NUMB: variants seen among roughly 807,000 people sequenced by gnomAD.
The protein encoded by NUMB is NUMB endocytic adaptor protein.
Under a neutral mutation model 59.7 loss-of-function variants are expected in NUMB, and 29 were observed. The observed-to-expected ratio is 0.49, with a 90% CI of 0.36 to 0.66. NUMB has a LOEUF of 0.66. NUMB is among the 30% of genes least tolerant of loss of function. The pLI, the probability that NUMB is intolerant of heterozygous loss-of-function variation, is 0.00. For synonymous variants in NUMB, 288 were observed against 288.2 expected (o/e 1.00, Z 0.01); for missense variants, 723 against 822.0 (o/e 0.88, Z 1.47).
chr14:73,397,745 G>T (rs765262838), intron 2 of NUMB, among the ~76,000 whole-genome samples: 1 of 152,058 alleles, frequency 6.6e-6, no homozygotes, highest in African/African-American at 2.4e-5. Flanking sequence ...TATCTTTCTG[G>T]TCATTAAATA....
intron 2 of NUMB, among the ~76,000 whole-genome samples, chr14:73,392,355 C>T (rs539431684): frequency 6.6e-6 from 1 of 152,316 alleles, no homozygotes; most frequent in East Asian, 1.9e-4. Context: ...TGAGTCCTAA[C>T]TAAAACTGTG....
chr14:73,391,726 G>C (rs1166282267), intron 2 of NUMB, among the ~76,000 whole-genome samples: 1 of 152,192 alleles, frequency 6.6e-6, no homozygotes, highest in African/African-American at 2.4e-5. Context: ...GTGCACATTT[G>C]AGAACTATTT....
Position 73,285,943 on chromosome 14 carries a change from C to T in NUMB, c.655+1167G>A, listed in dbSNP as rs544109630. Among the ~76,000 whole-genome samples the T allele has an allele frequency of 1.0e-3, 156 of 150,480 alleles. 1 individual carries two copies. The highest frequency in any genetic ancestry group is 2.2e-3 in the African/African-American group (91 of 41,084). On this transcript the variant is annotated intron_variant, in intron 9 of 12. Transcript: ENST00000555238. ...TCTGTCTCAAAAAAAAAAAAAACACCGAAATCAAACCAAAACAACAACAAC... is the reference window on the plus strand; with the variant it reads ...TCTGTCTCAAAAAAAAAAAAAACACTGAAATCAAACCAAAACAACAACAAC...
At chr14:73,417,062 G>A (rs1049285149) in intron 1 of NUMB, among the ~76,000 whole-genome samples, 3 of 151,716 alleles carry the variant, frequency 2.0e-5, no homozygotes, top group East Asian at 1.9e-4. Flanking sequence ...AGAGGAGATC[G>A]GTCACAGGAT....
intron 2 of NUMB, among the ~76,000 whole-genome samples, chr14:73,370,793 T>A (rs1364851152): frequency 1.3e-5 from 2 of 152,224 alleles, no homozygotes; most frequent in African/African-American, 2.4e-5. Flanking sequence ...TTTCTTTAAA[T>A]AATTTTTTGT....
chr14:73,428,025 G>A (rs1432524259), intron 1 of NUMB, among the ~76,000 whole-genome samples: 2 of 152,170 alleles, frequency 1.3e-5, no homozygotes, highest in Non-Finnish European at 2.9e-5. Context: ...AACTTTAAGT[G>A]TTATGGAATC....
At chr14:73,377,639 C>T (rs774179732) in intron 2 of NUMB, among the ~76,000 whole-genome samples, 1 of 149,834 alleles carries the variant, frequency 6.7e-6, no homozygotes, top group Non-Finnish European at 1.5e-5. Flanking sequence ...CCGTCTCAAA[C>T]AAACAAACAA....
chr14:73,407,688 A>T (rs1896731094), intron 2 of NUMB, among the ~76,000 whole-genome samples: 1 of 152,194 alleles, frequency 6.6e-6, no homozygotes, highest in Admixed American at 6.5e-5. Flanking sequence ...ATCACTTTGG[A>T]ATGAGAAAGT....
chr14:73,445,913 A>C (rs911578293), intron 1 of NUMB, among the ~76,000 whole-genome samples: 6 of 152,182 alleles, frequency 3.9e-5, no homozygotes, highest in African/African-American at 1.4e-4. Flanking sequence ...TGTAAATCAG[A>C]GAATAACAAA....
intron 1 of NUMB, among the ~76,000 whole-genome samples, chr14:73,417,469 G>A (rs1435634721): frequency 4.0e-5 from 6 of 151,754 alleles, no homozygotes; most frequent in Non-Finnish European, 8.8e-5. Flanking sequence ...CCCAGAAGGG[G>A]GTCAGGAAAC....
chr14:73,377,784 T>G (rs1429388365), intron 2 of NUMB, among the ~76,000 whole-genome samples: 1 of 152,172 alleles, frequency 6.6e-6, no homozygotes, highest in East Asian at 1.9e-4. Context: ...CTAGCCCACA[T>G]GGCGAAACCC....
intron 2 of NUMB, among the ~76,000 whole-genome samples, chr14:73,395,692 A>G (rs1402986470): frequency 6.6e-6 from 1 of 151,526 alleles, no homozygotes; most frequent in East Asian, 1.9e-4. Context: ...AATGTGCCAG[A>G]GATGAGGAAT....
chr14:73,447,761 C>T (rs1409554742), intron 1 of NUMB, among the ~76,000 whole-genome samples: 5 of 149,124 alleles, frequency 3.4e-5, no homozygotes, highest in African/African-American at 1.2e-4. Context: ...TGTAAATGGA[C>T]ATTTGCAGTT....
At chr14:73,331,503 G>A (rs995436305) in intron 4 of NUMB, among the ~76,000 whole-genome samples, 40 of 152,176 alleles carry the variant, frequency 2.6e-4, no homozygotes, top group African/African-American at 9.2e-4. Flanking sequence ...AGCTGAGATC[G>A]TGCCACTGCA....
At position 73,434,529 on chromosome 14, in the gene NUMB, T is replaced by A. The variant is rs77485299; in HGVS notation, c.-233+23964A>T. Among the ~76,000 whole-genome samples, 4 of 152,296 alleles carry A rather than the reference T, an allele frequency of 2.6e-5. No homozygotes were observed. The East Asian group carries it at 7.7e-4, about 29-fold the overall frequency. ...GTTTCCTAACCAGATCACACTATTT[T>A]AACATTCTTGAATCAGTGATTCAAT... On this transcript the variant is annotated intron_variant, in intron 1 of 12. Coordinates refer to ENST00000555238, the MANE Select transcript of NUMB (RefSeq NM_001005743.2).
intron 1 of NUMB, among the ~76,000 whole-genome samples, chr14:73,445,528 G>C (rs1264680454): frequency 2.0e-5 from 3 of 151,972 alleles, no homozygotes; most frequent in African/African-American, 7.3e-5. Context: ...AAATTTCATA[G>C]TACAATTTAA....
At chr14:73,370,498 C>G (rs193058721) in intron 2 of NUMB, among the ~76,000 whole-genome samples, 1 of 152,220 alleles carries the variant, frequency 6.6e-6, no homozygotes, top group Non-Finnish European at 1.5e-5. Flanking sequence ...TCGAGACCAG[C>G]CTGACCAACA....
At chr14:73,290,483 T>A (rs559852174) in intron 8 of NUMB, among the ~76,000 whole-genome samples, 1 of 152,338 alleles carries the variant, frequency 6.6e-6, no homozygotes, top group Admixed American at 6.5e-5. Context: ...GAATCAGAAC[T>A]GAAACCCATA....
intron 2 of NUMB, among the ~76,000 whole-genome samples, chr14:73,368,330 A>G (rs937443624): frequency 4.6e-5 from 7 of 152,198 alleles, no homozygotes; most frequent in Non-Finnish European, 1.0e-4. Context: ...TAATCCCAGC[A>G]CTTTGGGAGG....
Sources: gnomAD v4.1 joint callset for allele counts (sites outside exome capture counted in the v4.1 genomes callset) on GRCh38, gnomAD v4.1.1 for gene constraint, MANE v1.5 for transcripts, NCBI Gene and HGNC (gene_info 2026-07-23, HGNC 2026-07-21) for gene names.